The following CRYBG1 variants were observed in gnomAD, a reference collection of about 807,000 sequenced individuals.
The protein encoded by CRYBG1 is crystallin beta-gamma domain containing 1, also known as beta/gamma crystallin domain-containing protein 1.
In CRYBG1, 139 loss-of-function variants were observed where a neutral mutation model predicts 189.2. The ratio of observed to expected loss-of-function variants is 0.73; its 90% CI spans 0.64 to 0.85. CRYBG1 has a LOEUF of 0.85. Among genes scored for constraint, CRYBG1 ranks in the 40% least tolerant of loss-of-function variants. CRYBG1 has a pLI of 0.00. For synonymous variants in CRYBG1, 1,023 were observed against 1,017.1 expected, an observed-to-expected ratio of 1.01 and a Z score of -0.11; for missense variants, 2,611 against 2,675.8, an observed-to-expected ratio of 0.98 and a Z score of 0.53.
chr6:106,448,937 G>A (rs1353328112), intron 1 of CRYBG1, among the ~76,000 whole-genome samples: 23 of 152,186 alleles, frequency 1.5e-4, no homozygotes, highest in Admixed American at 1.5e-3. Flanking sequence ...ATACCTCTAT[G>A]TGACAGCTAG....
rs1232297539 is a variant in CRYBG1 at position 106,511,296 on chromosome 6, A to G, written c.313-134A>G. 1.7e-5 allele frequency: 15 copies of G among 906,100 alleles called. No individual in the cohort carries two copies. The East Asian group carries it at 3.0e-4, about 18-fold the overall frequency. The allele number at this position is 906,100 out of a possible 1,614,324, so 56.1% of individuals were successfully genotyped here. A position where few individuals can be genotyped will look rare whatever the true frequency, so the allele number is the denominator to read the frequency against. On this transcript the variant is annotated intron_variant, in intron 2 of 21. Coordinates refer to ENST00000633556, the MANE Select transcript of CRYBG1 (RefSeq NM_001371242.2). The stretch of plus-strand genomic sequence containing the variant: ...TTTATTTTGTTGGAATGAATGTAAC[A>G]TAAACATAACTTTATCATTTTCAAT...
rs1295250219 is a variant in CRYBG1, at chr6:106,360,954, C to A, written c.46C>A (p.Pro16Thr). The change falls in exon 1 of 22, where the codon CCG becomes ACG. Residue 16 changes from proline to threonine, a missense_variant. Around this residue, in one of 3 missense-constraint regions of CRYBG1, gnomAD observed 985 missense variants for 924.4 expected, o/e 1.07. Coordinates refer to ENST00000633556, the MANE Select transcript of CRYBG1 (RefSeq NM_001371242.2). ...PAQGDPGEPSPCRPPKKHTTF... is the reference protein window; with the variant it reads ...PAQGDPGEPSTCRPPKKHTTF... ...CCAGGGCGACCCCGGGGAGCCCAGC[C>A]CGTGCAGGCCCCCTAAGAAGCACAC... 2.6e-6 allele frequency: 4 copies of A among 1,535,060 alleles called. No individual in the cohort carries two copies. The highest frequency in any genetic ancestry group is 3.5e-6 in the Non-Finnish European group (4 of 1,146,546).
chr6:106,430,354 T>G (rs1771301750), intron 1 of CRYBG1, among the ~76,000 whole-genome samples: 1 of 151,998 alleles, frequency 6.6e-6, no homozygotes, highest in Non-Finnish European at 1.5e-5. Context: ...TAAGCCATGA[T>G]GGTGCCACTA....
intron 2 of CRYBG1, among the ~76,000 whole-genome samples, chr6:106,500,132 G>A (rs1772970436): frequency 6.6e-6 from 1 of 152,126 alleles, no homozygotes; most frequent in Admixed American, 6.5e-5. Context: ...ATGAACACAG[G>A]GGGCCAGATA....
intron 2 of CRYBG1, among the ~76,000 whole-genome samples, chr6:106,507,465 T>C (rs1773157059): frequency 6.6e-6 from 1 of 152,176 alleles, no homozygotes; most frequent in African/African-American, 2.4e-5. Context: ...TGCCCAGGCC[T>C]GTGGGAAAGT....
At chr6:106,533,034 A>G (rs764924945) in intron 8 of CRYBG1, among the ~76,000 whole-genome samples, 1 of 152,262 alleles carries the variant, frequency 6.6e-6, no homozygotes, top group South Asian at 2.1e-4. Context: ...TGGAGCTGTC[A>G]GTCTAGCAGG....
intron 1 of CRYBG1, among the ~76,000 whole-genome samples, chr6:106,395,323 CCT>C (rs1770582969): frequency 6.6e-6 from 1 of 151,284 alleles, no homozygotes; most frequent in Non-Finnish European, 1.5e-5. Flanking sequence ...ATTTACTTTT[CCT>C]CTCATTCTTT....
chr6:106,415,043 A>G (rs1770996913), intron 1 of CRYBG1, among the ~76,000 whole-genome samples: 1 of 152,028 alleles, frequency 6.6e-6, no homozygotes. Flanking sequence ...AATCTGACAA[A>G]GTGAGAGATG....
At chr6:106,556,875 C>T (rs1044310952) in intron 17 of CRYBG1, among the ~76,000 whole-genome samples, 1 of 152,142 alleles carries the variant, frequency 6.6e-6, no homozygotes, top group Admixed American at 6.5e-5. Context: ...GATTCATTAG[C>T]TTACAAGTAA....
intron 1 of CRYBG1, among the ~76,000 whole-genome samples, chr6:106,413,457 G>A (rs577339322): frequency 6.6e-5 from 10 of 152,180 alleles, no homozygotes; most frequent in Admixed American, 5.9e-4. Context: ...TGGGTGGATC[G>A]CCTGAGGTCA....
chr6:106,522,508 C>T (rs1449132632), intron 4 of CRYBG1, among the ~76,000 whole-genome samples: 6 of 152,160 alleles, frequency 3.9e-5, no homozygotes, highest in Non-Finnish European at 5.9e-5. Flanking sequence ...TTACTTTACT[C>T]GGTTTTTGAT....
At chr6:106,436,557 G>A (rs945405358) in intron 1 of CRYBG1, among the ~76,000 whole-genome samples, 16 of 151,774 alleles carry the variant, frequency 1.1e-4, no homozygotes, top group Non-Finnish European at 2.1e-4. Flanking sequence ...GCCTCCCAAA[G>A]TGCTGAGATT....
chr6:106,545,017 G>C, intron 13 of CRYBG1, 84 bp downstream of exon 13: 1 of 1,096,480 alleles, frequency 9.1e-7, no homozygotes, highest in Non-Finnish European at 1.3e-6. Flanking sequence ...TCACAGAGTA[G>C]GCATTCAATA....
At chr6:106,423,695 C>CTTTTT (rs869170326) in intron 1 of CRYBG1, among the ~76,000 whole-genome samples, 2 of 42,918 alleles carry the variant, frequency 4.7e-5, no homozygotes, top group African/African-American at 7.2e-5. Flanking sequence ...TCTCCCTCCC[C>CTTTTT]TTTTTTTTTT....
intron 2 of CRYBG1, among the ~76,000 whole-genome samples, chr6:106,485,660 A>G (rs913918926): frequency 2.6e-5 from 4 of 152,108 alleles, no homozygotes; most frequent in Non-Finnish European, 5.9e-5. Flanking sequence ...CATACCTTCT[A>G]TATCTAATTT....
chr6:106,385,001 G>A (rs116781961), intron 1 of CRYBG1, among the ~76,000 whole-genome samples: 2,882 of 151,990 alleles, frequency 0.019, 92 homozygotes, highest in African/African-American at 0.066. Context: ...TTTATCTGCC[G>A]ACTTGAACAT....
At position 106,518,975 on chromosome 6, in the gene CRYBG1, G is replaced by GCGCACA. The variant is rs1554188403; in HGVS notation, c.1923-155_1923-154insGCACAC. On this transcript the variant is annotated intron_variant, in intron 3 of 21. Transcript: ENST00000633556. ...CCTTGTCTTAAAAACACATGTGTGCGCACACACACACACACATACACACAC... is the reference window on the plus strand; with the variant it reads ...CCTTGTCTTAAAAACACATGTGTGCGCGCACACACACACACACACACATACACACAC... Among the ~76,000 whole-genome samples the GCGCACA allele has an allele frequency of 9.4e-3, 1,266 of 134,338 alleles. 6 individuals are homozygous for GCGCACA. Among genetic ancestry groups the GCGCACA allele is most frequent in the Middle Eastern group, 0.019 (5 of 264 alleles). The allele number at this position is 134,338 out of a possible 152,430, so 88.1% of individuals were successfully genotyped here.
rs370328545 is a variant in CRYBG1 at position 106,518,196 on chromosome 6, CAT to C, written c.1923-931_1923-930del. 1.0e-3 allele frequency among the ~76,000 whole-genome samples: 156 copies of C among 152,118 alleles called. No individual in the cohort carries two copies. The East Asian group carries it at 0.024, about 23-fold the overall frequency. On this transcript the variant is annotated intron_variant, in intron 3 of 21. Transcript: ENST00000633556. ...ATTATGCATATAAAAAGATTAGAAA[CAT>C]ATAAAAATGTTAACAGGGATATTGT...
rs117371037 is a variant in CRYBG1 at position 106,440,608 on chromosome 6, C to G, written c.174-11086C>G. Among the ~76,000 whole-genome samples the G allele has an allele frequency of 3.2e-3, 490 of 152,238 alleles. 2 individuals are homozygous for G. The highest frequency in any genetic ancestry group is 5.4e-3 in the Non-Finnish European group (368 of 68,008). ...TCCATTCTTTGTTTCCCCTTTCATT[C>G]CATTATTAATCACTATCACTCAGTT... On this transcript the variant is annotated intron_variant, in intron 1 of 21. Coordinates refer to ENST00000633556, the MANE Select transcript of CRYBG1 (RefSeq NM_001371242.2).
Sources: gnomAD v4.1 joint callset for allele counts (sites outside exome capture counted in the v4.1 genomes callset) on GRCh38, gnomAD v4.1.1 for gene constraint, gnomAD v4.1.1 regional missense constraint, MANE v1.5 for transcripts, NCBI Gene and HGNC (gene_info 2026-07-23, HGNC 2026-07-21) for gene names.